PTPRT: variants seen among roughly 807,000 people sequenced by gnomAD.
PTPRT encodes the protein protein tyrosine phosphatase receptor type T.
In PTPRT, 56 loss-of-function variants were observed where a neutral mutation model predicts 176.8. That is an observed-to-expected ratio of 0.32 (90% CI 0.26 to 0.40). The LOEUF (loss-of-function observed/expected upper bound fraction) is 0.40, where lower values mean the gene tolerates loss of function less well. Ranked by LOEUF, PTPRT falls within the 10% of genes least tolerant of loss-of-function variation. The pLI, the probability that PTPRT is intolerant of heterozygous loss-of-function variation, is 1.00. For synonymous variants in PTPRT, 783 were observed against 739.0 expected (o/e 1.06, Z -0.96); for missense variants, 1,540 against 1,908.2 (o/e 0.81, Z 3.60).
chr20:43,112,323 TTGA>T (rs1312348442), intron 1 of PTPRT, among the ~76,000 whole-genome samples: 1 of 152,214 alleles, frequency 6.6e-6, no homozygotes, highest in Non-Finnish European at 1.5e-5. Context: ...CCAAGGACTA[TTGA>T]TGAGGGACTG....
In PTPRT at chr20:42,637,765, T is replaced by C. The variant is rs1284399516; in HGVS notation, c.1153+40101A>G. Reference sequence around the variant, plus strand: ...TATCTGACACACAGTAGGCATTCAATACAAATTTGTTAAAGAAAAGGATGA... The same window carrying C: ...TATCTGACACACAGTAGGCATTCAACACAAATTTGTTAAAGAAAAGGATGA... On this transcript the variant is annotated intron_variant, in intron 7 of 30. Transcript: ENST00000373187. 4.6e-5 allele frequency among the ~76,000 whole-genome samples: 7 copies of C among 152,108 alleles called. No individual in the cohort carries two copies. The East Asian group carries it at 1.3e-3, about 29-fold the overall frequency.
intron 1 of PTPRT, among the ~76,000 whole-genome samples, chr20:43,167,029 T>C (rs2146452741): frequency 6.6e-6 from 1 of 152,244 alleles, no homozygotes; most frequent in African/African-American, 2.4e-5. Flanking sequence ...CATCTTGACA[T>C]TCAACTTAGT....
chr20:42,217,660 T>C (rs1938044812), intron 15 of PTPRT, among the ~76,000 whole-genome samples: 1 of 152,202 alleles, frequency 6.6e-6, no homozygotes, highest in Admixed American at 6.5e-5. Context: ...ACGTATGTGT[T>C]GGGGAGTTAC....
chr20:42,996,968 T>A (rs1984256367), intron 1 of PTPRT, among the ~76,000 whole-genome samples: 1 of 152,200 alleles, frequency 6.6e-6, no homozygotes, highest in Admixed American at 6.5e-5. Flanking sequence ...CTTGCTATAA[T>A]AATTAGTGGT....
intron 16 of PTPRT, among the ~76,000 whole-genome samples, chr20:42,161,947 A>T (rs1989621463): frequency 6.6e-6 from 1 of 151,198 alleles, no homozygotes; most frequent in Non-Finnish European, 1.5e-5. Flanking sequence ...AGGGGAGGAG[A>T]GCCTCAGGTG....
intron 12 of PTPRT, among the ~76,000 whole-genome samples, chr20:42,305,730 G>A (rs2057537863): frequency 2.0e-5 from 3 of 152,190 alleles, no homozygotes; most frequent in Admixed American, 1.3e-4. Context: ...TAGTGAGCTT[G>A]AAGGACACAT....
At chr20:42,882,511 G>A (rs141796113) in intron 2 of PTPRT, among the ~76,000 whole-genome samples, 2 of 152,252 alleles carry the variant, frequency 1.3e-5, no homozygotes, top group African/African-American at 2.4e-5. Flanking sequence ...TTTCTGATCC[G>A]TAAAATGGGA....
At chr20:42,149,235 T>C (rs186263138) in intron 17 of PTPRT, among the ~76,000 whole-genome samples, 2 of 152,170 alleles carry the variant, frequency 1.3e-5, no homozygotes, top group East Asian at 3.9e-4. Flanking sequence ...GCGGAGGCCC[T>C]GGGATGGAAT....
At chr20:42,461,898 G>A (rs1017470761) in intron 8 of PTPRT, among the ~76,000 whole-genome samples, 5 of 151,636 alleles carry the variant, frequency 3.3e-5, no homozygotes, top group Non-Finnish European at 4.4e-5. Flanking sequence ...TTTTAAAGAT[G>A]GGAGAAATAC....
At position 42,194,874 on chromosome 20, in the gene PTPRT, T is replaced by C. The variant is rs369995417; in HGVS notation, c.2491+4366A>G. On this transcript the variant is annotated intron_variant, in intron 16 of 30. Coordinates refer to ENST00000373187, the MANE Select transcript of PTPRT (RefSeq NM_007050.6). Reference sequence around the variant, plus strand: ...TACAATATTAGAAGGTTTGATTGAATAGATGTCACAGAACTTAGCAGTCAC... The same window carrying C: ...TACAATATTAGAAGGTTTGATTGAACAGATGTCACAGAACTTAGCAGTCAC... Among the ~76,000 whole-genome samples, 27 of 152,254 alleles carry C rather than the reference T, an allele frequency of 1.8e-4. No homozygotes were observed. The South Asian group carries it at 4.8e-3, about 27-fold the overall frequency.
chr20:42,895,624 T>C (rs1356756456), intron 1 of PTPRT, among the ~76,000 whole-genome samples: 1 of 152,206 alleles, frequency 6.6e-6, no homozygotes, highest in Non-Finnish European at 1.5e-5. Flanking sequence ...TACTCAACAA[T>C]GTTATTGTTG....
intron 21 of PTPRT, among the ~76,000 whole-genome samples, chr20:42,116,589 T>C (rs1293949170): frequency 6.6e-6 from 1 of 152,182 alleles, no homozygotes; most frequent in African/African-American, 2.4e-5. Flanking sequence ...TCTAATGACT[T>C]ATCAACACAA....
In PTPRT at chr20:42,774,957, G is replaced by A. The variant is rs139744521; in HGVS notation, c.569-3407C>T. 1.3e-4 allele frequency among the ~76,000 whole-genome samples: 20 copies of A among 152,254 alleles called. No homozygotes were observed. In the East Asian group the frequency reaches 1.5e-3, roughly 12 times the overall value. On this transcript the variant is annotated intron_variant, in intron 4 of 30. Coordinates refer to ENST00000373187, the MANE Select transcript of PTPRT (RefSeq NM_007050.6). ...CCCCCAAACGGCCTGCTCATCAGCC[G>A]CAAGCTCTCTCAACTGTCACCTTCC...
chr20:43,073,733 T>C (rs976857473), intron 1 of PTPRT, among the ~76,000 whole-genome samples: 16 of 151,924 alleles, frequency 1.1e-4, no homozygotes, highest in Non-Finnish European at 2.2e-4. Flanking sequence ...GTTACAATTG[T>C]TTGGCTGGTG....
At chr20:42,539,973 G>A (rs1025238541) in intron 7 of PTPRT, among the ~76,000 whole-genome samples, 2 of 151,910 alleles carry the variant, frequency 1.3e-5, no homozygotes, top group Non-Finnish European at 1.5e-5. Context: ...GAAAATGAAG[G>A]GAGAGAATAA....
chr20:42,805,635 A>T (rs2077595177), intron 2 of PTPRT, among the ~76,000 whole-genome samples: 1 of 152,148 alleles, frequency 6.6e-6, no homozygotes, highest in Admixed American at 6.5e-5. Flanking sequence ...CCCCCCAGGG[A>T]ATGCATGCCA....
chr20:43,100,724 A>C (rs1220408593), intron 1 of PTPRT, among the ~76,000 whole-genome samples: 1 of 152,248 alleles, frequency 6.6e-6, no homozygotes, highest in Non-Finnish European at 1.5e-5. Flanking sequence ...AAAGAGACAC[A>C]AAACCAGACA....
chr20:42,442,727 C>A (rs1302411313), intron 9 of PTPRT, among the ~76,000 whole-genome samples: 1 of 152,106 alleles, frequency 6.6e-6, no homozygotes, highest in South Asian at 2.1e-4. Context: ...TATTTTTGGA[C>A]GAAGACGAGA....
At chr20:42,640,028 ACAT>A (rs371651753) in intron 7 of PTPRT, among the ~76,000 whole-genome samples, 11 of 152,202 alleles carry the variant, frequency 7.2e-5, no homozygotes, top group African/African-American at 2.2e-4. Flanking sequence ...TGACAGCCAA[ACAT>A]CATAAAAGTG....
Sources: gnomAD v4.1 joint callset for allele counts (sites outside exome capture counted in the v4.1 genomes callset) on GRCh38, gnomAD v4.1.1 for gene constraint, MANE v1.5 for transcripts, NCBI Gene and HGNC (gene_info 2026-07-23, HGNC 2026-07-21) for gene names.